Variants in NRG2 observed in about 807,000 individuals in gnomAD.
NRG2 encodes the protein neuregulin 2.
A neutral mutation model predicts 73.9 loss-of-function variants in NRG2; 27 were observed. The observed-to-expected ratio is 0.37, with a 90% CI of 0.27 to 0.50. The LOEUF (loss-of-function observed/expected upper bound fraction) is 0.50, where lower values mean the gene tolerates loss of function less well. Among genes scored for constraint, NRG2 ranks in the 20% least tolerant of loss-of-function variants. The pLI is 0.96. For missense variants in NRG2, 1,126 were observed against 1,210.1 expected (o/e 0.93, Z 1.03); for synonymous variants, 532 against 541.0 (o/e 0.98, Z 0.23).
At chr5:139,939,403 T>C (rs1041389381) in intron 1 of NRG2, among the ~76,000 whole-genome samples, 2 of 152,084 alleles carry the variant, frequency 1.3e-5, no homozygotes, top group Non-Finnish European at 2.9e-5. Context: ...GTCTCCTGCA[T>C]AGCTGGGATT....
chr5:139,970,556 A>C (rs1050928776), intron 1 of NRG2, among the ~76,000 whole-genome samples: 1 of 152,166 alleles, frequency 6.6e-6, no homozygotes, highest in African/African-American at 2.4e-5. Flanking sequence ...CACCACTCCC[A>C]CCAACATCCT....
intron 3 of NRG2, among the ~76,000 whole-genome samples, chr5:139,875,993 C>T (rs2127087930): frequency 6.6e-6 from 1 of 152,152 alleles, no homozygotes; most frequent in Middle Eastern, 3.4e-3. Context: ...TAGGTGTATC[C>T]CCAAGAGATT....
chr5:139,913,710 C>A (rs1751030626), intron 1 of NRG2, among the ~76,000 whole-genome samples: 1 of 152,266 alleles, frequency 6.6e-6, no homozygotes, highest in Admixed American at 6.5e-5. Flanking sequence ...TACAAAGACC[C>A]TGTCCTCAAG....
At chr5:139,937,095 C>T (rs1752907999) in intron 1 of NRG2, among the ~76,000 whole-genome samples, 1 of 152,196 alleles carries the variant, frequency 6.6e-6, no homozygotes, top group Non-Finnish European at 1.5e-5. Flanking sequence ...AGCCACCGTG[C>T]CTGGCCAGGA....
intron 1 of NRG2, among the ~76,000 whole-genome samples, chr5:140,014,403 A>AT (rs539593997): frequency 1.3e-4 from 20 of 151,764 alleles, no homozygotes; most frequent in Middle Eastern, 6.8e-3. Context: ...TGCCCAGATA[A>AT]TTTTTGTATG....
intron 1 of NRG2, among the ~76,000 whole-genome samples, chr5:139,986,110 C>G (rs1310813919): frequency 2.0e-5 from 3 of 152,240 alleles, no homozygotes; most frequent in Admixed American, 1.3e-4. Context: ...AGCTTCGTCA[C>G]TCCAAGCAAT....
chr5:139,955,903 C>T lies in NRG2; in HGVS notation c.701-68392G>A, dbSNP rs557948009. Among the ~76,000 whole-genome samples the T allele has an allele frequency of 1.2e-3, 179 of 152,264 alleles. 1 individual carries two copies. The highest frequency in any genetic ancestry group is 4.1e-3 in the African/African-American group (172 of 41,552). On this transcript the variant is annotated intron_variant, in intron 1 of 9. Coordinates refer to ENST00000361474, the MANE Select transcript of NRG2 (RefSeq NM_004883.3). ...TGGAGCCTGAGATAAGCCACTGAAA[C>T]GTCCTCACCCTCAGCTTCTTCCTCT...
At chr5:139,965,229 T>A (rs1164726546) in intron 1 of NRG2, among the ~76,000 whole-genome samples, 1 of 152,190 alleles carries the variant, frequency 6.6e-6, no homozygotes, top group Non-Finnish European at 1.5e-5. Context: ...AGAGTGGAAC[T>A]ACGTGGGGGA....
chr5:139,992,204 G>A (rs754369966), intron 1 of NRG2, among the ~76,000 whole-genome samples: 3 of 152,026 alleles, frequency 2.0e-5, no homozygotes, highest in East Asian at 1.9e-4. Flanking sequence ...GGCATGTAAC[G>A]TTTGTTAGAT....
At chr5:139,850,595 T>G (rs1761356205) in intron 9 of NRG2, among the ~76,000 whole-genome samples, 1 of 152,244 alleles carries the variant, frequency 6.6e-6, no homozygotes, top group African/African-American at 2.4e-5. Flanking sequence ...CCCTGCTCCC[T>G]GGTGTGGAGT....
rs1561694701 is a variant in NRG2, at chr5:139,939,248, CTTT to C, written c.701-51740_701-51738del. On this transcript the variant is annotated intron_variant, in intron 1 of 9. Coordinates refer to ENST00000361474, the MANE Select transcript of NRG2 (RefSeq NM_004883.3). ...CCTTCCTTCCTTCCTTCCTTCCTTT[CTTT>C]CTTTCTTTCTTTTTCTTTCTTTCTT... Among the ~76,000 whole-genome samples, 361 of 137,710 alleles carry C rather than the reference CTTT, an allele frequency of 2.6e-3. 2 individuals are homozygous for C. Among genetic ancestry groups the C allele is most frequent in the African/African-American group, 9.6e-3 (317 of 32,872 alleles). The allele number at this position is 137,710 out of a possible 152,430, so 90.3% of individuals were successfully genotyped here.
chr5:139,997,914 G>A (rs1758142145), intron 1 of NRG2, among the ~76,000 whole-genome samples: 1 of 152,200 alleles, frequency 6.6e-6, no homozygotes, highest in South Asian at 2.1e-4. Flanking sequence ...GCTGCCCTGA[G>A]GATTGCCCCT....
chr5:140,027,017 G>C (rs1311098720), intron 1 of NRG2, among the ~76,000 whole-genome samples: 1 of 152,102 alleles, frequency 6.6e-6, no homozygotes, highest in Non-Finnish European at 1.5e-5. Context: ...GTTTCACTCT[G>C]TCCCCCAGGC....
At chr5:139,998,323 CT>C (rs1243012289) in intron 1 of NRG2, among the ~76,000 whole-genome samples, 1 of 152,188 alleles carries the variant, frequency 6.6e-6, no homozygotes, top group Non-Finnish European at 1.5e-5. Context: ...CCCCAGAGGG[CT>C]GGAAAAGTGC....
intron 1 of NRG2, among the ~76,000 whole-genome samples, chr5:139,994,688 G>A (rs750944399): frequency 1.3e-5 from 2 of 152,140 alleles, no homozygotes; most frequent in African/African-American, 2.4e-5. Flanking sequence ...GTATAGACTT[G>A]TATAGAAGAT....
At chr5:139,873,615 C>T (rs1247592318) in intron 3 of NRG2, among the ~76,000 whole-genome samples, 3 of 152,368 alleles carry the variant, frequency 2.0e-5, no homozygotes, top group South Asian at 4.1e-4. Flanking sequence ...CGAATGCAAG[C>T]GCAGTGAGGA....
intron 1 of NRG2, among the ~76,000 whole-genome samples, chr5:139,975,381 G>A (rs1006287686): frequency 1.3e-5 from 2 of 152,208 alleles, no homozygotes; most frequent in East Asian, 3.8e-4. Context: ...GCCCCGCAGT[G>A]TGGCCAGTCT....
At position 139,865,008 on chromosome 5, in the gene NRG2, G is replaced by T; in HGVS notation, c.1189+541C>A. 1.0e-6 allele frequency: 1 copy of T among 955,492 alleles called. No individual in the cohort carries two copies. Among genetic ancestry groups the T allele is most frequent in the Non-Finnish European group, 1.7e-6 (1 of 582,244 alleles). The allele number at this position is 955,492 out of a possible 1,614,324, so 59.2% of individuals were successfully genotyped here. A position where few individuals can be genotyped will look rare whatever the true frequency, so the allele number is the denominator to read the frequency against. On this transcript the variant is annotated intron_variant, in intron 5 of 9. Transcript: ENST00000361474. This position sits in a 1 kb window ranked among gnomAD's most constrained non-coding sequence, Gnocchi z 5.2. ...TTTCCGTCTCCTCTAAGGAGCGCAGGACACCCTCTACATCTCCCCCTAGTC... is the reference window on the plus strand; with the variant it reads ...TTTCCGTCTCCTCTAAGGAGCGCAGTACACCCTCTACATCTCCCCCTAGTC...
rs747211697 is a variant in NRG2, at chr5:139,865,238, C to A, written c.1189+311G>T. ...AGCAAGACACAGGCATTGCAACACC[C>A]CGGCACGGGCTCCTGCCAATGCCAG... On this transcript the variant is annotated intron_variant, in intron 5 of 9. Coordinates refer to ENST00000361474, the MANE Select transcript of NRG2 (RefSeq NM_004883.3). The surrounding 1 kb of genome is among the most constrained non-coding windows in gnomAD (Gnocchi z 5.2). 4 of 1,348,952 alleles carry A rather than the reference C, an allele frequency of 3.0e-6. No individual in the cohort carries two copies. In the East Asian group the frequency reaches 9.2e-5, roughly 31 times the overall value. 83.6% of individuals were successfully genotyped at this position (1,348,952 alleles called of 1,614,324 possible). A position where few individuals can be genotyped will look rare whatever the true frequency, so the allele number is the denominator to read the frequency against.
Sources: allele counts gnomAD v4.1 joint callset (sites outside exome capture counted in the v4.1 genomes callset), GRCh38; gene constraint gnomAD v4.1.1; non-coding constraint Gnocchi (gnomAD v3.1); transcripts MANE v1.5; gene names NCBI Gene and HGNC (gene_info 2026-07-23, HGNC 2026-07-21).